Variants in CSGALNACT1 observed in about 807,000 individuals in gnomAD.
The protein encoded by CSGALNACT1 is chondroitin sulfate N-acetylgalactosaminyltransferase 1, also known as beta4GalNAcT-1.
A neutral mutation model predicts 51.0 loss-of-function variants in CSGALNACT1; 52 were observed. That is an observed-to-expected ratio of 1.02 (90% CI 0.82 to 1.29). The LOEUF is 1.29. CSGALNACT1 is among the 50% of genes most tolerant of loss of function. The pLI, the probability that CSGALNACT1 is intolerant of heterozygous loss-of-function variation, is 0.00. For missense variants in CSGALNACT1, 935 were observed against 679.2 expected (o/e 1.38, Z -4.19); for synonymous variants, 341 against 254.4 (o/e 1.34, Z -3.24).
At chr8:19,480,517 T>C (rs943254335) in intron 4 of CSGALNACT1, among the ~76,000 whole-genome samples, 1 of 152,220 alleles carries the variant, frequency 6.6e-6, no homozygotes, top group Non-Finnish European at 1.5e-5. Context: ...CAGTCTACTG[T>C]TGATGGGCAT....
intron 4 of CSGALNACT1, among the ~76,000 whole-genome samples, chr8:19,495,369 T>C (rs1795846736): frequency 6.6e-6 from 1 of 152,178 alleles, no homozygotes; most frequent in African/African-American, 2.4e-5. Flanking sequence ...TATTGTCTGT[T>C]GTGGTGAAGT....
At chr8:19,498,049 C>T (rs1176686346) in intron 4 of CSGALNACT1, among the ~76,000 whole-genome samples, 1 of 152,144 alleles carries the variant, frequency 6.6e-6, no homozygotes, top group East Asian at 1.9e-4. Flanking sequence ...GCCCTGACCA[C>T]CTTGGGCATA....
chr8:19,417,895 G>C (rs988625313), intron 8 of CSGALNACT1, among the ~76,000 whole-genome samples: 3 of 152,216 alleles, frequency 2.0e-5, no homozygotes, highest in African/African-American at 7.2e-5. Flanking sequence ...AAGACACAGA[G>C]ATCCTCTTCT....
chr8:19,425,317 G>C (rs1477424022), intron 6 of CSGALNACT1, among the ~76,000 whole-genome samples: 1 of 151,986 alleles, frequency 6.6e-6, no homozygotes, highest in East Asian at 1.9e-4. Flanking sequence ...CTCTAACTTG[G>C]GCAACAGAGC....
At chr8:19,553,639 A>ATATATATATATATATATATATATATATAT (rs869251447) in intron 3 of CSGALNACT1, among the ~76,000 whole-genome samples, 11 of 126,578 alleles carry the variant, frequency 8.7e-5, no homozygotes, top group South Asian at 2.5e-4. Flanking sequence ...ATATATATAT[A>ATATATATATATATATATATATATATATAT]AAAAAATATG....
At chr8:19,425,444 T>C (rs1226298597) in intron 6 of CSGALNACT1, among the ~76,000 whole-genome samples, 2 of 152,200 alleles carry the variant, frequency 1.3e-5, no homozygotes, top group Non-Finnish European at 2.9e-5. Flanking sequence ...TCCCTCCTTT[T>C]ATGTGTGTTC....
chr8:19,621,430 T>A (rs2053812518), intron 1 of CSGALNACT1, among the ~76,000 whole-genome samples: 2 of 152,170 alleles, frequency 1.3e-5, no homozygotes, highest in South Asian at 4.1e-4. Context: ...TGTTTGCATA[T>A]GAACAAGTGT....
intron 6 of CSGALNACT1, among the ~76,000 whole-genome samples, chr8:19,429,484 G>C (rs1266376177): frequency 6.6e-6 from 1 of 152,098 alleles, no homozygotes; most frequent in Non-Finnish European, 1.5e-5. Context: ...GGCCATTATT[G>C]ACCTTTTACA....
At chr8:19,580,902 A>G (rs2045419111) in intron 3 of CSGALNACT1, among the ~76,000 whole-genome samples, 1 of 152,240 alleles carries the variant, frequency 6.6e-6, no homozygotes, top group Non-Finnish European at 1.5e-5. Context: ...TAGACACAGA[A>G]AAGTTTTATT....
In CSGALNACT1 at chr8:19,439,874, T is replaced by C. The variant is rs369329629; in HGVS notation, c.909A>G (p.Lys303=). 197 of 1,614,066 alleles carry C rather than the reference T, an allele frequency of 1.2e-4. 2 individuals carry two copies. Among genetic ancestry groups the C allele is most frequent in the South Asian group, 6.3e-4 (57 of 91,094 alleles). ...TTCCTTTGACTTCATTTATTTCTTC[T>C]TTCCCAAAGTAAACAACAGTGAGAT... Residue 303 remains lysine (K), a synonymous_variant, in exon 6 of 10, where the codon AAA becomes AAG. Transcript: ENST00000454498.
exon 1 of CSGALNACT1, chr8:19,682,517 C>T (rs908905849): frequency 2.0e-5 from 8 of 399,350 alleles, no homozygotes; most frequent in African/African-American, 6.2e-5. Flanking sequence ...CACCCCTGCC[C>T]GGGGACGTAT....
At chr8:19,686,616 C>T (rs983654597), upstream of CSGALNACT1, among the ~76,000 whole-genome samples, 5 of 152,236 alleles carry the variant, frequency 3.3e-5, no homozygotes, top group African/African-American at 9.6e-5. Context: ...AAAAAACAAA[C>T]TCCACTGGGC....
At chr8:19,704,273 A>C (rs2062037244) in intron 1 of CSGALNACT1, among the ~76,000 whole-genome samples, 1 of 152,364 alleles carries the variant, frequency 6.6e-6, no homozygotes, top group Admixed American at 6.5e-5. Context: ...AGACCCTTCC[A>C]GGCCGATATT....
chr8:19,467,876 G>T (rs7836603), intron 4 of CSGALNACT1, among the ~76,000 whole-genome samples: 1 of 152,018 alleles, frequency 6.6e-6, no homozygotes, highest in Admixed American at 6.5e-5. Flanking sequence ...GTCCCAGATA[G>T]TCAGGAGGCT....
At chr8:19,421,558 A>G (rs1371080722) in intron 6 of CSGALNACT1, among the ~76,000 whole-genome samples, 1 of 152,148 alleles carries the variant, frequency 6.6e-6, no homozygotes, top group African/African-American at 2.4e-5. Flanking sequence ...CCGTCCTACC[A>G]GCTACCTGGC....
intron 1 of CSGALNACT1, among the ~76,000 whole-genome samples, chr8:19,679,522 G>C (rs2060442623): frequency 6.6e-6 from 1 of 152,094 alleles, no homozygotes; most frequent in African/African-American, 2.4e-5. Flanking sequence ...CCCATATACA[G>C]ATCAATCTCA....
At chr8:19,467,776 G>C (rs1484937287) in intron 4 of CSGALNACT1, among the ~76,000 whole-genome samples, 2 of 152,148 alleles carry the variant, frequency 1.3e-5, no homozygotes, top group African/African-American at 2.4e-5. Context: ...CTTGAGCCTA[G>C]GAGTTCCAGA....
intron 3 of CSGALNACT1, among the ~76,000 whole-genome samples, chr8:19,569,341 A>T (rs1271433200): frequency 6.6e-6 from 1 of 152,176 alleles, no homozygotes; most frequent in Non-Finnish European, 1.5e-5. Flanking sequence ...CACACTGCTG[A>T]TGGACTATTC....
chr8:19,720,787 G>C (rs1174498003), intron 1 of CSGALNACT1, among the ~76,000 whole-genome samples: 1 of 152,200 alleles, frequency 6.6e-6, no homozygotes, highest in Non-Finnish European at 1.5e-5. Context: ...GCCCAAGAAT[G>C]TCCTGGCCAA....
Sources: gnomAD v4.1 joint callset for allele counts (sites outside exome capture counted in the v4.1 genomes callset) on GRCh38, gnomAD v4.1.1 for gene constraint, MANE v1.5 for transcripts, NCBI Gene and HGNC (gene_info 2026-07-23, HGNC 2026-07-21) for gene names.